The following LRP1B variants were observed in gnomAD, a reference collection of about 807,000 sequenced individuals.
LRP1B encodes LDL receptor related protein 1B.
LRP1B carries 217 observed loss-of-function variants against 556.6 expected under a neutral mutation model. The observed-to-expected ratio is 0.39, with a 90% confidence interval of 0.35 to 0.44. LRP1B has a LOEUF of 0.44. LRP1B is among the 20% of genes least tolerant of loss of function. LRP1B has a pLI of 1.00. For synonymous variants in LRP1B, 2,047 were observed against 1,865.8 expected (o/e 1.10, Z -2.50); for missense variants, 5,053 against 5,620.8 (o/e 0.90, Z 3.23).
intron 2 of LRP1B, among the ~76,000 whole-genome samples, chr2:141,507,427 A>T (rs1683973070): frequency 6.6e-6 from 1 of 152,188 alleles, no homozygotes; most frequent in Non-Finnish European, 1.5e-5. Flanking sequence ...GATATTTTCC[A>T]ATTACAAAAT....
In LRP1B at chr2:140,358,006, C is replaced by T; in HGVS notation, c.11368G>A (p.Gly3790Ser). The stretch of plus-strand genomic sequence containing the variant: ...ATTCTGCATCCTTGCTCATCTGAAC[C>T]ATCTCCGCAGTCATCAAGTCGATCA... ...QCDRLDDCGD[G>S]SDEQGCRIAP... The change falls in exon 74 of 91, where the codon GGT (glycine) becomes AGT (serine). Residue 3790 changes from glycine to serine, a missense_variant. Around this residue, in one of 5 missense-constraint regions of LRP1B, gnomAD observed 599 missense variants for 648.4 expected, o/e 0.92. Coordinates refer to ENST00000389484, the MANE Select transcript of LRP1B (RefSeq NM_018557.3). The T allele has an allele frequency of 6.2e-7, 1 of 1,610,888 alleles. No individual in the cohort carries two copies. The highest frequency in any genetic ancestry group is 8.5e-7 in the Non-Finnish European group (1 of 1,177,892).
chr2:140,873,658 A>G (rs553864093), intron 25 of LRP1B, among the ~76,000 whole-genome samples: 2 of 152,192 alleles, frequency 1.3e-5, no homozygotes, highest in East Asian at 3.9e-4. Context: ...GTAAATGATT[A>G]AAATAAAATA....
intron 5 of LRP1B, among the ~76,000 whole-genome samples, chr2:141,234,008 G>GA (rs1558950229): frequency 1.3e-5 from 2 of 151,902 alleles, no homozygotes; most frequent in Non-Finnish European, 2.9e-5. Context: ...AGTCATAGAT[G>GA]AAAAAAATCC....
chr2:140,707,350 C>A (rs575376556), intron 37 of LRP1B, among the ~76,000 whole-genome samples: 1 of 152,060 alleles, frequency 6.6e-6, no homozygotes, highest in Admixed American at 6.6e-5. Context: ...GTCATTGTGT[C>A]GTCTCCTAGC....
At chr2:140,401,959 G>A (rs966346807) in intron 66 of LRP1B, among the ~76,000 whole-genome samples, 2 of 152,200 alleles carry the variant, frequency 1.3e-5, no homozygotes, top group African/African-American at 2.4e-5. Flanking sequence ...AGCTCACAGA[G>A]TCTACATCAA....
chr2:140,718,649 C>T (rs545208637), intron 35 of LRP1B, among the ~76,000 whole-genome samples: 11 of 152,034 alleles, frequency 7.2e-5, no homozygotes, highest in East Asian at 3.9e-4. Context: ...AATTTCTCTC[C>T]GCTGTCTCGC....
chr2:140,547,511 G>A (rs6430917), intron 43 of LRP1B, among the ~76,000 whole-genome samples: 69,006 of 151,662 alleles, frequency 0.45, 16,091 homozygotes, highest in East Asian at 0.58. Flanking sequence ...CTCCTTTCTC[G>A]TTTCTAATTG....
chr2:140,911,097 G>A (rs1404077235), intron 21 of LRP1B, among the ~76,000 whole-genome samples: 1 of 151,756 alleles, frequency 6.6e-6, no homozygotes, highest in Non-Finnish European at 1.5e-5. Flanking sequence ...GAAGAAGAAT[G>A]TGTCAATCTA....
intron 8 of LRP1B, among the ~76,000 whole-genome samples, chr2:141,061,051 A>G (rs1245059596): frequency 6.6e-6 from 1 of 151,804 alleles, no homozygotes; most frequent in Non-Finnish European, 1.5e-5. Context: ...GAGAAGGGCC[A>G]TGATAATCAT....
intron 2 of LRP1B, among the ~76,000 whole-genome samples, chr2:141,544,576 C>CAG (rs1470326101): frequency 6.6e-6 from 1 of 151,438 alleles, no homozygotes; most frequent in Non-Finnish European, 1.5e-5. Flanking sequence ...CCGCTGCATG[C>CAG]AGAGAGAAGT....
At chr2:140,609,722 T>C (rs1204787152) in intron 41 of LRP1B, among the ~76,000 whole-genome samples, 1 of 152,232 alleles carries the variant, frequency 6.6e-6, no homozygotes, top group Non-Finnish European at 1.5e-5. Context: ...CAAAAACGTA[T>C]GTTGAGTGTT....
intron 27 of LRP1B, among the ~76,000 whole-genome samples, chr2:140,859,487 T>C (rs1237989834): frequency 2.0e-5 from 3 of 152,178 alleles, no homozygotes; most frequent in Non-Finnish European, 4.4e-5. Context: ...CATATTTTTC[T>C]GATGCAATTG....
At chr2:140,612,532 C>A (rs1414290836) in intron 41 of LRP1B, among the ~76,000 whole-genome samples, 1 of 152,100 alleles carries the variant, frequency 6.6e-6, no homozygotes, top group African/African-American at 2.4e-5. Context: ...CTTTACTCAA[C>A]AAGTCACACG....
At chr2:140,329,007 T>G (rs917778754) in intron 79 of LRP1B, among the ~76,000 whole-genome samples, 2 of 152,086 alleles carry the variant, frequency 1.3e-5, no homozygotes, top group Non-Finnish European at 2.9e-5. Context: ...TTCTTAGAAA[T>G]TGCTGCAATC....
At chr2:141,680,898 T>C (rs1691076550) in intron 2 of LRP1B, among the ~76,000 whole-genome samples, 1 of 152,182 alleles carries the variant, frequency 6.6e-6, no homozygotes, top group Non-Finnish European at 1.5e-5. Flanking sequence ...AATGTGCTTT[T>C]ATTGAAGTAT....
rs528833642 is a variant in LRP1B at position 141,013,559 on chromosome 2, G to T, written c.2377C>A (p.Gln793Lys). ...ATTTTAATTTGTTTTTTAATACCTTGTTGCTTTCGTGGATCATAAATCTGA... is the reference window on the plus strand; with the variant it reads ...ATTTTAATTTGTTTTTTAATACCTTTTTGCTTTCGTGGATCATAAATCTGA... ...GLQIYDPRKQ[Q>K]GDNMCRVNNG... Residue 793 changes from glutamine to lysine, a missense_variant, in exon 14 of 91, where the codon CAA becomes AAA. By Grantham distance (53) the Gln-to-Lys change is moderately conservative (BLOSUM62 1). Coordinates refer to ENST00000389484, the MANE Select transcript of LRP1B (RefSeq NM_018557.3). The T allele has an allele frequency of 1.9e-6, 3 of 1,604,746 alleles. No individual in the cohort carries two copies. Among genetic ancestry groups the T allele is most frequent in the Admixed American group, 3.4e-5 (2 of 58,110 alleles).
chr2:141,738,211 A>G (rs1465654093), intron 2 of LRP1B, among the ~76,000 whole-genome samples: 1 of 152,158 alleles, frequency 6.6e-6, no homozygotes, highest in Non-Finnish European at 1.5e-5. Flanking sequence ...AAATTAAAGA[A>G]AAAAATTACA....
intron 25 of LRP1B, among the ~76,000 whole-genome samples, chr2:140,872,080 G>GTA (rs1295706092): frequency 2.1e-4 from 12 of 56,690 alleles, no homozygotes; most frequent in African/African-American, 6.5e-4. Flanking sequence ...CTAGGACCTT[G>GTA]TATTTTTTTT....
intron 7 of LRP1B, among the ~76,000 whole-genome samples, chr2:141,063,019 A>G (rs1292987254): frequency 6.6e-6 from 1 of 151,886 alleles, no homozygotes; most frequent in Non-Finnish European, 1.5e-5. Context: ...TGTAACTCCA[A>G]CACTTCAGTA....
Sources: allele counts gnomAD v4.1 joint callset (sites outside exome capture counted in the v4.1 genomes callset), GRCh38; gene constraint gnomAD v4.1.1; regional missense constraint gnomAD v4.1.1; transcripts MANE v1.5; gene names NCBI Gene and HGNC (gene_info 2026-07-23, HGNC 2026-07-21).